Variants in NELL2 observed in about 807,000 individuals in gnomAD.
NELL2 encodes protein kinase C-binding protein NELL2.
Under a neutral mutation model 109.6 loss-of-function variants are expected in NELL2, and 41 were observed. That is an observed-to-expected ratio of 0.37 (90% CI 0.29 to 0.49). The LOEUF (loss-of-function observed/expected upper bound fraction) is 0.49, where lower values mean the gene tolerates loss of function less well. Among genes scored for constraint, NELL2 ranks in the 20% least tolerant of loss-of-function variants. The pLI is 0.98. For synonymous variants in NELL2, 355 were observed against 344.7 expected, an observed-to-expected ratio of 1.03 and a Z score of -0.33; for missense variants, 900 against 1,008.3, an observed-to-expected ratio of 0.89 and a Z score of 1.45.
chr12:44,520,779 T>G (rs190014489), intron 18 of NELL2, among the ~76,000 whole-genome samples: 16 of 152,350 alleles, frequency 1.1e-4, no homozygotes, highest in African/African-American at 3.8e-4. Flanking sequence ...CATTCCTTTT[T>G]AATTCCACAC....
At chr12:44,598,322 G>T (rs1945052994) in intron 15 of NELL2, among the ~76,000 whole-genome samples, 1 of 151,816 alleles carries the variant, frequency 6.6e-6, no homozygotes, top group Admixed American at 6.6e-5. Context: ...CCATAGATGA[G>T]AACCCTTTGG....
In NELL2 at chr12:44,667,046, A is replaced by C. The variant is rs77741303; in HGVS notation, c.1319-1437T>G. Among the ~76,000 whole-genome samples the C allele has an allele frequency of 1.6e-3, 243 of 152,312 alleles. 3 individuals are homozygous for C. The East Asian group carries it at 0.033, about 21-fold the overall frequency. On this transcript the variant is annotated intron_variant, in intron 12 of 19. Transcript: ENST00000429094. ...CTACAAAAACTTCCCTAATGAACTA[A>C]AATACTCCCAACGCAGTGCTACCTC... is the stretch of plus-strand genomic sequence containing the variant.
intron 2 of NELL2, among the ~76,000 whole-genome samples, chr12:44,827,787 T>A (rs1437802518): frequency 1.3e-5 from 2 of 152,188 alleles, no homozygotes; most frequent in Non-Finnish European, 2.9e-5. Flanking sequence ...AGTGCAGCTA[T>A]CTCTTTGATA....
At chr12:44,794,913 T>C (rs1020201067) in intron 3 of NELL2, among the ~76,000 whole-genome samples, 6 of 142,190 alleles carry the variant, frequency 4.2e-5, no homozygotes, top group African/African-American at 1.0e-4. Flanking sequence ...CTCCCTGATT[T>C]GTTAGAATTT....
chr12:44,816,866 C>T (rs531203085), intron 2 of NELL2, among the ~76,000 whole-genome samples: 1 of 152,302 alleles, frequency 6.6e-6, no homozygotes, highest in Non-Finnish European at 1.5e-5. Context: ...CCTCAGGACC[C>T]AGATTATATG....
intron 1 of NELL2, among the ~76,000 whole-genome samples, chr12:44,901,972 T>C (rs545018331): frequency 2.6e-5 from 4 of 152,278 alleles, no homozygotes; most frequent in South Asian, 2.1e-4. Context: ...GCTGGAAGCA[T>C]TCCCTTTGAA....
intron 13 of NELL2, among the ~76,000 whole-genome samples, chr12:44,665,197 T>C (rs1259997065): frequency 1.3e-5 from 2 of 152,264 alleles, no homozygotes; most frequent in East Asian, 3.9e-4. Context: ...AGATTGACCA[T>C]AGTATTTCAC....
At chr12:44,724,787 G>C (rs925504310) in intron 9 of NELL2, among the ~76,000 whole-genome samples, 2 of 126,908 alleles carry the variant, frequency 1.6e-5, no homozygotes, top group Non-Finnish European at 1.7e-5. Context: ...AACCAAAAAA[G>C]AGCCTAAATA....
intron 19 of NELL2, 83 bp from the exon 20 acceptor site, chr12:44,509,067 C>T: frequency 8.9e-7 from 1 of 1,123,398 alleles, no homozygotes; most frequent in Non-Finnish European, 1.3e-6. Context: ...TTGGTACTTA[C>T]AAACAAAACT....
At chr12:44,667,835 C>T (rs981768870) in intron 12 of NELL2, among the ~76,000 whole-genome samples, 4 of 152,180 alleles carry the variant, frequency 2.6e-5, no homozygotes, top group Admixed American at 6.5e-5. Context: ...CTGCAGAGGT[C>T]CACATTCCTA....
intron 2 of NELL2, among the ~76,000 whole-genome samples, chr12:44,848,941 AC>A (rs1224884401): frequency 1.3e-5 from 2 of 152,162 alleles, no homozygotes; most frequent in African/African-American, 4.8e-5. Context: ...TGACCTCAGT[AC>A]CCCTCATAAT....
intron 14 of NELL2, among the ~76,000 whole-genome samples, chr12:44,607,796 G>A (rs1348161424): frequency 6.6e-6 from 1 of 152,000 alleles, no homozygotes; most frequent in African/African-American, 2.4e-5. Flanking sequence ...TCATTAGAGT[G>A]GTCTTCAGGG....
intron 15 of NELL2, among the ~76,000 whole-genome samples, chr12:44,599,439 T>C (rs1945113438): frequency 6.6e-6 from 1 of 152,118 alleles, no homozygotes. Flanking sequence ...ATTAAAAAGT[T>C]ATTAAAATTT....
rs771650607 is a variant in NELL2, at chr12:44,816,045, G to A, written c.276C>T (p.Thr92=). The stretch of plus-strand genomic sequence containing the variant: ...CTGAATTTAAGTGGGTCTGTTTTAG[G>A]GTCACCAAAATAGTAAATTCATGTT... The part of the protein sequence containing the change: ...RNKHEFTILV[T]LKQTHLNSGV... The change falls in exon 3 of 20, where the codon ACC becomes ACT. Residue 92 remains threonine (T), a synonymous_variant. Coordinates refer to ENST00000429094, the MANE Select transcript of NELL2 (RefSeq NM_001145108.2). 2 of 1,613,354 alleles carry A rather than the reference G, an allele frequency of 1.2e-6. No homozygotes were observed. Among genetic ancestry groups the A allele is most frequent in the Non-Finnish European group, 1.7e-6 (2 of 1,179,796 alleles).
intron 9 of NELL2, among the ~76,000 whole-genome samples, chr12:44,719,254 G>A (rs1346665672): frequency 6.6e-6 from 1 of 152,160 alleles, no homozygotes; most frequent in Non-Finnish European, 1.5e-5. Context: ...ATAAGTGAAA[G>A]AAGCCAGTAA....
chr12:44,724,367 C>T (rs1938955187), intron 9 of NELL2, among the ~76,000 whole-genome samples: 1 of 151,792 alleles, frequency 6.6e-6, no homozygotes, highest in African/African-American at 2.4e-5. Flanking sequence ...ATATAACACA[C>T]CTGCATATGT....
intron 9 of NELL2, among the ~76,000 whole-genome samples, chr12:44,760,019 G>T (rs1258214714): frequency 1.3e-5 from 2 of 152,144 alleles, no homozygotes; most frequent in Non-Finnish European, 2.9e-5. Flanking sequence ...CTCTACCTTA[G>T]GTTGGGATTT....
intron 13 of NELL2, among the ~76,000 whole-genome samples, chr12:44,661,915 C>T (rs569283541): frequency 6.6e-6 from 1 of 151,986 alleles, no homozygotes; most frequent in South Asian, 2.1e-4. Context: ...TCCCTTCCCC[C>T]TTCCTTTCCT....
At chr12:44,696,612 A>G (rs925759421) in intron 12 of NELL2, among the ~76,000 whole-genome samples, 4 of 152,214 alleles carry the variant, frequency 2.6e-5, no homozygotes, top group African/African-American at 7.2e-5. Context: ...ATAGAAATCA[A>G]TTTAAAACTC....
Sources: gnomAD v4.1 joint callset for allele counts (sites outside exome capture counted in the v4.1 genomes callset) on GRCh38, gnomAD v4.1.1 for gene constraint, MANE v1.5 for transcripts, NCBI Gene and HGNC (gene_info 2026-07-23, HGNC 2026-07-21) for gene names.